Variants in ROBO2 observed in about 807,000 individuals in gnomAD.
ROBO2 encodes the protein roundabout homolog 2.
A neutral mutation model predicts 160.8 loss-of-function variants in ROBO2; 53 were observed. That is an observed-to-expected ratio of 0.33 (90% CI 0.26 to 0.41). The LOEUF is 0.41. Among genes scored for constraint, ROBO2 ranks in the 10% least tolerant of loss-of-function variants. The probability of loss-of-function intolerance (pLI) is 1.00; values close to 1 mark genes in which losing one functional copy is unlikely to be tolerated. For synonymous variants in ROBO2, 664 were observed against 611.7 expected, an observed-to-expected ratio of 1.09 and a Z score of -1.26; for missense variants, 1,577 against 1,722.4, an observed-to-expected ratio of 0.92 and a Z score of 1.49.
chr3:76,853,646 A>T (rs1201942925), intron 2 of ROBO2, among the ~76,000 whole-genome samples: 2 of 152,262 alleles, frequency 1.3e-5, no homozygotes, highest in South Asian at 2.1e-4. Flanking sequence ...TAAAATATAG[A>T]TGAAGTGTAG....
rs2089201752 is a variant in ROBO2 at position 76,622,241 on chromosome 3, A to AGAAAGAAAGAAAGAAG, written c.110-475758_110-475757insGGAAAGAAAGAAAGAA. Among the ~76,000 whole-genome samples the AGAAAGAAAGAAAGAAG allele has an allele frequency of 4.1e-3, 153 of 37,436 alleles. 12 individuals carry two copies. Among genetic ancestry groups the AGAAAGAAAGAAAGAAG allele is most frequent in the Non-Finnish European group, 6.1e-3 (122 of 19,870 alleles). 24.6% of individuals were successfully genotyped at this position (37,436 alleles called of 152,430 possible). On this transcript the variant is annotated intron_variant, in intron 2 of 26. Transcript: ENST00000487694. ...AAGGAAGGAAGGAAGGAAGGAAGAA[A>AGAAAGAAAGAAAGAAG]GAAAGAAAGAAAGAAAGAAAGAAAG...
At chr3:76,652,260 G>A (rs1337467687) in intron 2 of ROBO2, among the ~76,000 whole-genome samples, 1 of 152,148 alleles carries the variant, frequency 6.6e-6, no homozygotes, top group African/African-American at 2.4e-5. Context: ...TAAAATTATA[G>A]TATGTACCAT....
In ROBO2 at chr3:77,255,874, A is replaced by T. The variant is rs1417985947; in HGVS notation, c.388+157534A>T. On this transcript the variant is annotated intron_variant, in intron 2 of 25. Coordinates refer to ENST00000461745, the Ensembl canonical transcript of ROBO2. ...AATCCTATGGGTATGTGAGAATGGA[A>T]GGCTTCCAGTCACTTCTTTACATTT... Among the ~76,000 whole-genome samples, 3 of 152,368 alleles carry T rather than the reference A, an allele frequency of 2.0e-5. No individual in the cohort carries two copies. In the South Asian group the frequency reaches 6.2e-4, roughly 32 times the overall value.
intron 1 of ROBO2, among the ~76,000 whole-genome samples, chr3:77,063,942 A>G (rs9842996): frequency 0.036 from 5,528 of 152,240 alleles, 340 homozygotes; most frequent in African/African-American, 0.13. Context: ...TTTAAAAGCT[A>G]TTTCTCATTT....
At chr3:77,086,549 G>A (rs147593867) in intron 1 of ROBO2, among the ~76,000 whole-genome samples, 1 of 152,200 alleles carries the variant, frequency 6.6e-6, no homozygotes, top group Non-Finnish European at 1.5e-5. Context: ...TCCGGTGCCT[G>A]CAGTACCATC....
intron 2 of ROBO2, among the ~76,000 whole-genome samples, chr3:76,245,535 A>AT (rs554914018): frequency 6.6e-6 from 1 of 152,202 alleles, no homozygotes; most frequent in South Asian, 2.1e-4. Flanking sequence ...TTCAAAAATA[A>AT]TTTTTAAAAT....
chr3:76,952,738 A>G (rs948226189), intron 2 of ROBO2, among the ~76,000 whole-genome samples: 4 of 152,040 alleles, frequency 2.6e-5, no homozygotes, highest in African/African-American at 7.2e-5. Flanking sequence ...TATTTTTAAT[A>G]CTAAATAATG....
chr3:75,992,640 T>C (rs2065607376), intron 2 of ROBO2, among the ~76,000 whole-genome samples: 2 of 152,094 alleles, frequency 1.3e-5, no homozygotes, highest in Non-Finnish European at 2.9e-5. Flanking sequence ...CTAGTGGAGC[T>C]GTGAGAAGAG....
At chr3:77,024,622 C>T (rs1347613358) in intron 2 of ROBO2, among the ~76,000 whole-genome samples, 1 of 152,160 alleles carries the variant, frequency 6.6e-6, no homozygotes, top group Admixed American at 6.5e-5. Context: ...AGACCCGACT[C>T]CACACTGAGA....
intron 23 of ROBO2, among the ~76,000 whole-genome samples, chr3:77,625,143 T>C (rs1388788753): frequency 2.6e-5 from 4 of 152,144 alleles, no homozygotes; most frequent in East Asian, 1.9e-4. Context: ...TGATGTTCTA[T>C]GAGTGGAAAA....
chr3:76,212,471 G>C (rs1703205831), intron 2 of ROBO2, among the ~76,000 whole-genome samples: 1 of 151,820 alleles, frequency 6.6e-6, no homozygotes. Context: ...TTAAACTTAA[G>C]TTCCAGTTTA....
In ROBO2 at chr3:77,352,575, A is replaced by AT. The variant is rs71682024; in HGVS notation, c.389-124829dup. Among the ~76,000 whole-genome samples, 992 of 151,332 alleles carry AT rather than the reference A, an allele frequency of 6.6e-3. 4 individuals carry two copies. The highest frequency in any genetic ancestry group is 0.022 in the East Asian group (114 of 5,130). Reference sequence around the variant, plus strand: ...TAAGCCATGAAGAAATTAGAACATGATTTTTTTTTTCCAATAGAAGAAAAC... The same window carrying AT: ...TAAGCCATGAAGAAATTAGAACATGATTTTTTTTTTTCCAATAGAAGAAAAC... On this transcript the variant is annotated intron_variant, in intron 2 of 25. Coordinates refer to ENST00000461745, the Ensembl canonical transcript of ROBO2.
At chr3:76,983,067 C>T (rs774891995) in intron 2 of ROBO2, among the ~76,000 whole-genome samples, 35 of 152,106 alleles carry the variant, frequency 2.3e-4, no homozygotes, top group African/African-American at 6.7e-4. Flanking sequence ...GGGCAGATCA[C>T]GAGGTCAGGA....
At chr3:77,427,571 A>G (rs1316015218) in intron 2 of ROBO2, among the ~76,000 whole-genome samples, 1 of 152,210 alleles carries the variant, frequency 6.6e-6, no homozygotes, top group Non-Finnish European at 1.5e-5. Context: ...CCCAAAGGAA[A>G]GAAATGCTGT....
chr3:76,802,487 G>C (rs761570286), intron 2 of ROBO2, among the ~76,000 whole-genome samples: 47 of 152,258 alleles, frequency 3.1e-4, no homozygotes, highest in Non-Finnish European at 2.8e-4. Context: ...CCAGCACTTT[G>C]GGAGGCTGAG....
At chr3:76,022,829 C>T (rs140059678) in intron 2 of ROBO2, among the ~76,000 whole-genome samples, 3 of 151,822 alleles carry the variant, frequency 2.0e-5, no homozygotes, top group African/African-American at 7.2e-5. Flanking sequence ...GAGTGTCACC[C>T]TGTCCTTTGA....
chr3:76,907,823 G>GT (rs2075705102), intron 2 of ROBO2, among the ~76,000 whole-genome samples: 9 of 145,526 alleles, frequency 6.2e-5, no homozygotes, highest in Admixed American at 5.4e-4. Context: ...GTTTGTTTGG[G>GT]GTGTGTGTGT....
intron 2 of ROBO2, among the ~76,000 whole-genome samples, chr3:77,292,787 CA>C (rs1698652679): frequency 1.1e-5 from 1 of 93,536 alleles, no homozygotes. Flanking sequence ...GACGGTTAAA[CA>C]GGTAAGCTGA....
At chr3:77,306,377 G>A (rs891931431) in intron 2 of ROBO2, among the ~76,000 whole-genome samples, 1 of 151,968 alleles carries the variant, frequency 6.6e-6, no homozygotes, top group Non-Finnish European at 1.5e-5. Context: ...CCTTTTTAAA[G>A]CATTCAATTA....
Sources: gnomAD v4.1 joint callset for allele counts (sites outside exome capture counted in the v4.1 genomes callset) on GRCh38, gnomAD v4.1.1 for gene constraint, MANE v1.5 for transcripts, NCBI Gene and HGNC (gene_info 2026-07-23, HGNC 2026-07-21) for gene names.